Variants in LINGO2 observed in about 807,000 individuals in gnomAD.
LINGO2 encodes leucine-rich repeat and immunoglobulin-like domain-containing nogo receptor-interacting protein 2.
Under a neutral mutation model 30.6 loss-of-function variants are expected in LINGO2, and 14 were observed. The observed-to-expected ratio is 0.46, with a 90% CI of 0.30 to 0.72. The LOEUF is 0.72. Ranked by LOEUF, LINGO2 falls within the 30% of genes least tolerant of loss-of-function variation. The pLI is 0.07. For synonymous variants in LINGO2, 317 were observed against 288.5 expected, an observed-to-expected ratio of 1.10 and a Z score of -1.00; for missense variants, 729 against 751.7, an observed-to-expected ratio of 0.97 and a Z score of 0.35.
chr9:28,963,012 C>T, the LINGO2 span, among the ~76,000 whole-genome samples: 4,543 of 151,924 alleles, frequency 0.03, 107 homozygotes, highest in Non-Finnish European at 0.044. Flanking sequence ...TAATATTTTG[C>T]CTATATTGTC....
chr9:28,026,256 T>C (rs2119421678), intron 4 of LINGO2, among the ~76,000 whole-genome samples: 1 of 152,300 alleles, frequency 6.6e-6, no homozygotes, highest in East Asian at 1.9e-4. Flanking sequence ...GATGTTTACA[T>C]ACCTACTAGA....
chr9:28,647,659 C>T (rs1827899708), intron 1 of LINGO2, among the ~76,000 whole-genome samples: 1 of 151,998 alleles, frequency 6.6e-6, no homozygotes, highest in Admixed American at 6.6e-5. Flanking sequence ...ACCTTAGTCT[C>T]TCAGTAGGTT....
At chr9:28,574,825 C>G (rs1046786722) in intron 1 of LINGO2, among the ~76,000 whole-genome samples, 2 of 152,168 alleles carry the variant, frequency 1.3e-5, no homozygotes, top group Non-Finnish European at 2.9e-5. Context: ...AGGCAATTCA[C>G]TCAACATTCT....
the LINGO2 span, among the ~76,000 whole-genome samples, chr9:29,047,222 C>G: frequency 1.3e-5 from 2 of 151,476 alleles, no homozygotes; most frequent in African/African-American, 4.9e-5. Flanking sequence ...GAAAAACAAC[C>G]CCATTAAAAA....
the LINGO2 span, among the ~76,000 whole-genome samples, chr9:28,713,936 T>C: frequency 2.0e-5 from 3 of 151,930 alleles, no homozygotes; most frequent in Non-Finnish European, 2.9e-5. Flanking sequence ...GGCAGGTGGA[T>C]CACCTGAGGT....
chr9:28,425,633 C>T (rs566188566), intron 2 of LINGO2, among the ~76,000 whole-genome samples: 3 of 151,968 alleles, frequency 2.0e-5, no homozygotes, highest in Non-Finnish European at 4.4e-5. Context: ...TTAGGGGTTA[C>T]GGGGAAGTAA....
At chr9:28,015,771 G>A (rs756860350) in intron 4 of LINGO2, among the ~76,000 whole-genome samples, 11 of 147,894 alleles carry the variant, frequency 7.4e-5, no homozygotes, top group African/African-American at 2.5e-4. Flanking sequence ...TGAGACTCAG[G>A]TGATAATCCC....
chr9:28,721,922 C>T, the LINGO2 span, among the ~76,000 whole-genome samples: 1 of 151,896 alleles, frequency 6.6e-6, no homozygotes, highest in African/African-American at 2.4e-5. Context: ...ACCTATGGAA[C>T]ATTTCAATAT....
chr9:28,033,427 G>A (rs12235845), intron 4 of LINGO2, among the ~76,000 whole-genome samples: 3,621 of 152,202 alleles, frequency 0.024, 214 homozygotes, highest in East Asian at 0.24. Flanking sequence ...GCACTGGCCT[G>A]CTGTTCTGCC....
the LINGO2 span, among the ~76,000 whole-genome samples, chr9:29,067,354 G>C: frequency 0.44 from 66,721 of 150,198 alleles, 14,878 homozygotes; most frequent in East Asian, 0.54. Flanking sequence ...CCATACTGAA[G>C]AGGCTAGAAA....
chr9:28,446,177 A>G (rs1323520971), intron 2 of LINGO2, among the ~76,000 whole-genome samples: 2 of 152,180 alleles, frequency 1.3e-5, no homozygotes, highest in Non-Finnish European at 2.9e-5. Flanking sequence ...TCACTAGGAT[A>G]TGGAATGAAA....
At chr9:27,967,991 G>A (rs1485331036) in intron 5 of LINGO2, among the ~76,000 whole-genome samples, 1 of 152,058 alleles carries the variant, frequency 6.6e-6, no homozygotes, top group South Asian at 2.1e-4. Flanking sequence ...CAGATATTTG[G>A]GAACTTTTAT....
exon 6 of LINGO2, chr9:27,949,893 T>C: frequency 6.2e-7 from 1 of 1,613,878 alleles, no homozygotes; most frequent in South Asian, 1.1e-5. Context: ...AGTAGACAGA[T>C]TGGTGTTGGT....
At chr9:28,241,267 CAAAAAAAAAAA>C (rs1164724626) in intron 4 of LINGO2, among the ~76,000 whole-genome samples, 24,119 of 84,464 alleles carry the variant, frequency 0.29, 2,643 homozygotes, top group East Asian at 0.5. Context: ...GACCCTGTCT[CAAAAAAAAAAA>C]AAAAAAAAAA....
intron 4 of LINGO2, among the ~76,000 whole-genome samples, chr9:28,059,321 C>T (rs563664905): frequency 9.2e-5 from 14 of 152,234 alleles, no homozygotes; most frequent in Admixed American, 7.8e-4. Flanking sequence ...TCCCAGAGCT[C>T]GGGGCCTTCA....
the LINGO2 span, among the ~76,000 whole-genome samples, chr9:29,050,910 A>G: frequency 6.6e-5 from 10 of 152,198 alleles, no homozygotes; most frequent in Non-Finnish European, 1.5e-5. Context: ...GCCAATTAGT[A>G]TAATTAATTT....
At chr9:29,106,878 C>T in the LINGO2 span, among the ~76,000 whole-genome samples, 4 of 152,092 alleles carry the variant, frequency 2.6e-5, no homozygotes, top group Admixed American at 2.0e-4. Context: ...CACACAAATT[C>T]AGATCTGTTG....
chr9:28,096,019 T>A (rs1169709252), intron 4 of LINGO2, among the ~76,000 whole-genome samples: 1 of 152,154 alleles, frequency 6.6e-6, no homozygotes, highest in African/African-American at 2.4e-5. Context: ...TGTACACCTA[T>A]AGTCCCAGCT....
At chr9:28,548,782 A>G (rs982470590) in intron 1 of LINGO2, among the ~76,000 whole-genome samples, 1 of 151,438 alleles carries the variant, frequency 6.6e-6, no homozygotes, top group Non-Finnish European at 1.5e-5. Context: ...ATTGTGTATT[A>G]ACTACCTCAG....
Sources: allele counts gnomAD v4.1 joint callset (sites outside exome capture counted in the v4.1 genomes callset), GRCh38; gene constraint gnomAD v4.1.1; transcripts MANE v1.5; gene names NCBI Gene and HGNC (gene_info 2026-07-23, HGNC 2026-07-21).